PRKD1: variants seen among roughly 807,000 people sequenced by gnomAD.
PRKD1 encodes the protein serine/threonine-protein kinase D1.
PRKD1 carries 63 observed loss-of-function variants against 95.9 expected under a neutral mutation model. The ratio of observed to expected loss-of-function variants is 0.66; its 90% CI spans 0.54 to 0.81. PRKD1 has a LOEUF of 0.81. Ranked by LOEUF, PRKD1 falls within the 30% of genes least tolerant of loss-of-function variation. The pLI is 0.00. For missense variants in PRKD1, 1,048 were observed against 1,165.3 expected, an observed-to-expected ratio of 0.90 and a Z score of 1.47; for synonymous variants, 425 against 423.1, an observed-to-expected ratio of 1.00 and a Z score of -0.05.
chr14:29,590,343 C>T (rs1045843372), intron 16 of PRKD1, among the ~76,000 whole-genome samples: 7 of 152,112 alleles, frequency 4.6e-5, no homozygotes, highest in Non-Finnish European at 7.4e-5. Context: ...TAGAATAGTG[C>T]CTGGCACACA....
chr14:29,646,241 T>G (rs1256271261), intron 4 of PRKD1, among the ~76,000 whole-genome samples: 1 of 151,986 alleles, frequency 6.6e-6, no homozygotes, highest in African/African-American at 2.4e-5. Flanking sequence ...AAATTTTGTT[T>G]GGGTGTGGGA....
chr14:29,810,347 G>C (rs1182828380), intron 1 of PRKD1, among the ~76,000 whole-genome samples: 1 of 152,148 alleles, frequency 6.6e-6, no homozygotes, highest in East Asian at 1.9e-4. Context: ...ACAATCAAGT[G>C]AACAGCAATA....
chr14:29,662,715 C>T (rs1409870264), intron 4 of PRKD1, among the ~76,000 whole-genome samples: 4 of 151,984 alleles, frequency 2.6e-5, no homozygotes, highest in African/African-American at 4.8e-5. Context: ...ATTTATACAA[C>T]TTCTTATAGA....
chr14:29,655,151 T>C (rs1244082003), intron 4 of PRKD1, among the ~76,000 whole-genome samples: 1 of 152,166 alleles, frequency 6.6e-6, no homozygotes, highest in African/African-American at 2.4e-5. Flanking sequence ...AAAGGATTAT[T>C]TGAAAGGAAA....
At chr14:29,707,170 C>G (rs1313331062) in intron 2 of PRKD1, among the ~76,000 whole-genome samples, 2 of 152,072 alleles carry the variant, frequency 1.3e-5, no homozygotes, top group African/African-American at 2.4e-5. Flanking sequence ...AGGATTTAGC[C>G]TTATGCTATT....
At chr14:29,899,767 T>C (rs1238455024) in intron 1 of PRKD1, among the ~76,000 whole-genome samples, 5 of 152,170 alleles carry the variant, frequency 3.3e-5, no homozygotes, top group Non-Finnish European at 5.9e-5. Context: ...ACTGACTGCT[T>C]AGTATGTGCA....
At chr14:29,900,619 A>C (rs538180639) in intron 1 of PRKD1, among the ~76,000 whole-genome samples, 1 of 152,190 alleles carries the variant, frequency 6.6e-6, no homozygotes, top group Non-Finnish European at 1.5e-5. Context: ...GAATCAAAAA[A>C]GGACTTAAAT....
chr14:29,590,543 T>C (rs899660966), intron 16 of PRKD1, among the ~76,000 whole-genome samples: 1 of 152,214 alleles, frequency 6.6e-6, no homozygotes, highest in Non-Finnish European at 1.5e-5. Context: ...TCCTTATTCC[T>C]GGTGTTGTAG....
At chr14:29,733,708 C>G (rs190743392) in intron 1 of PRKD1, among the ~76,000 whole-genome samples, 65 of 152,172 alleles carry the variant, frequency 4.3e-4, no homozygotes, top group South Asian at 2.1e-3. Flanking sequence ...ATGGGAGAAA[C>G]TGCCTCCATG....
chr14:29,743,279 G>T (rs1887061590), intron 1 of PRKD1, among the ~76,000 whole-genome samples: 1 of 152,144 alleles, frequency 6.6e-6, no homozygotes, highest in South Asian at 2.1e-4. Flanking sequence ...CGCAGAAGAG[G>T]CTAGCTGCAT....
chr14:29,808,482 C>T (rs570324401), intron 1 of PRKD1, among the ~76,000 whole-genome samples: 1 of 141,092 alleles, frequency 7.1e-6, no homozygotes, highest in East Asian at 2.2e-4. Flanking sequence ...TCACTACAAC[C>T]TCTGCCTCCT....
At chr14:29,609,884 A>G (rs1156760692) in intron 13 of PRKD1, among the ~76,000 whole-genome samples, 2 of 151,904 alleles carry the variant, frequency 1.3e-5, no homozygotes, top group Admixed American at 1.3e-4. Flanking sequence ...TCAAAAACCT[A>G]TCCACACACC....
Position 29,578,285 on chromosome 14 carries a change from G to A in PRKD1, c.2510C>T (p.Pro837Leu). 6.2e-7 allele frequency: 1 copy of A among 1,603,784 alleles called. No individual in the cohort carries two copies. The highest frequency in any genetic ancestry group is 8.5e-7 in the Non-Finnish European group (1 of 1,174,746). ...GTGATTATTGTTTACCTGTAGCCAAGGGTGGCTCAAGGTCTTATCCACACT... is the reference window on the plus strand; with the variant it reads ...GTGATTATTGTTTACCTGTAGCCAAAGGTGGCTCAAGGTCTTATCCACACT... ...RYSVDKTLSH[P>L]WLQDYQTWLD... Residue 837 changes from proline (P) to leucine (L), a missense_variant, in exon 17 of 18, where the codon CCT (proline) becomes CTT (leucine). By Grantham distance (98) the Pro-to-Leu change is moderately conservative. Coordinates refer to ENST00000331968, the MANE Select transcript of PRKD1 (RefSeq NM_002742.3).
At chr14:29,881,337 C>T (rs1018112607) in intron 1 of PRKD1, among the ~76,000 whole-genome samples, 13 of 152,106 alleles carry the variant, frequency 8.5e-5, no homozygotes, top group African/African-American at 2.4e-4. Flanking sequence ...TTCTTGCTGC[C>T]GCCATGTAAG....
At chr14:29,708,527 G>C (rs1338930396) in intron 2 of PRKD1, among the ~76,000 whole-genome samples, 5 of 152,064 alleles carry the variant, frequency 3.3e-5, no homozygotes, top group African/African-American at 1.2e-4. Flanking sequence ...GAGGTAAAGG[G>C]ATCAAGCATC....
chr14:29,837,487 A>T (rs1270105185), intron 1 of PRKD1, among the ~76,000 whole-genome samples: 1 of 152,186 alleles, frequency 6.6e-6, no homozygotes, highest in Non-Finnish European at 1.5e-5. Context: ...TAAAGAGGTA[A>T]TCACATCCAT....
intron 1 of PRKD1, among the ~76,000 whole-genome samples, chr14:29,908,842 G>A (rs990133854): frequency 1.3e-5 from 2 of 152,096 alleles, no homozygotes; most frequent in Admixed American, 1.3e-4. Context: ...ACAGTGTGCT[G>A]GCAGCCCTCG....
At chr14:29,722,678 G>A (rs1471102129) in intron 2 of PRKD1, among the ~76,000 whole-genome samples, 1 of 152,156 alleles carries the variant, frequency 6.6e-6, no homozygotes, top group Non-Finnish European at 1.5e-5. Context: ...TAGGCCAGGT[G>A]AAAGTTGGAT....
chr14:29,681,352 T>C (rs532522664), intron 2 of PRKD1, among the ~76,000 whole-genome samples: 1 of 152,132 alleles, frequency 6.6e-6, no homozygotes, highest in South Asian at 2.1e-4. Flanking sequence ...AAAATGAGAA[T>C]ATGTGGTGAG....
Sources: allele counts gnomAD v4.1 joint callset (sites outside exome capture counted in the v4.1 genomes callset), GRCh38; gene constraint gnomAD v4.1.1; transcripts MANE v1.5; gene names NCBI Gene and HGNC (gene_info 2026-07-23, HGNC 2026-07-21).